Variants in SLC24A2 observed in about 807,000 individuals in gnomAD.
The protein encoded by SLC24A2 is sodium/potassium/calcium exchanger 2.
A neutral mutation model predicts 62.0 loss-of-function variants in SLC24A2; 36 were observed. That is an observed-to-expected ratio of 0.58 (90% CI 0.44 to 0.77). The LOEUF (loss-of-function observed/expected upper bound fraction) is 0.77. Among genes scored for constraint, SLC24A2 ranks in the 30% least tolerant of loss-of-function variants. SLC24A2 has a pLI of 0.00. For missense variants in SLC24A2, 846 were observed against 817.9 expected, an observed-to-expected ratio of 1.03 and a Z score of -0.42; for synonymous variants, 358 against 294.0, an observed-to-expected ratio of 1.22 and a Z score of -2.23.
chr9:20,105,673 A>C, the SLC24A2 span, among the ~76,000 whole-genome samples: 1 of 151,930 alleles, frequency 6.6e-6, no homozygotes, highest in Admixed American at 6.6e-5. Context: ...ACAACATACC[A>C]GAATCTCCGG....
chr9:19,549,147 G>A (rs780462459), intron 8 of SLC24A2, among the ~76,000 whole-genome samples: 20 of 152,304 alleles, frequency 1.3e-4, no homozygotes, highest in Middle Eastern at 3.4e-3. Flanking sequence ...TAATAAAATC[G>A]ATTAAAGTAA....
At chr9:19,750,399 G>C (rs1045660878) in intron 2 of SLC24A2, among the ~76,000 whole-genome samples, 2 of 151,932 alleles carry the variant, frequency 1.3e-5, no homozygotes, top group African/African-American at 4.8e-5. Context: ...CTCAACTACA[G>C]ATAGCATGCG....
the SLC24A2 span, among the ~76,000 whole-genome samples, chr9:20,192,277 A>G: frequency 6.6e-6 from 1 of 152,162 alleles, no homozygotes; most frequent in Non-Finnish European, 1.5e-5. Context: ...TGAGAAGGCC[A>G]AGAAGATGGA....
At chr9:20,011,429 G>A in the SLC24A2 span, among the ~76,000 whole-genome samples, 1 of 152,066 alleles carries the variant, frequency 6.6e-6, no homozygotes, top group Non-Finnish European at 1.5e-5. Flanking sequence ...TGTCTCAAAA[G>A]ACATTTTCAA....
At chr9:20,106,044 C>G in the SLC24A2 span, among the ~76,000 whole-genome samples, 2 of 152,200 alleles carry the variant, frequency 1.3e-5, no homozygotes, top group East Asian at 1.9e-4. Context: ...GAAATACAAA[C>G]TACCATCAGA....
In SLC24A2 at chr9:19,673,445, G is replaced by GTGTGTC. The variant is rs200605803; in HGVS notation, c.931-51147_931-51146insGACACA. ...TTCTTGTGTGTGTATGTGTGTGTGC[G>GTGTGTC]TGTGTGTGTGTGTGTGTGTTTGAGA... is the stretch of plus-strand genomic sequence containing the variant. On this transcript the variant is annotated intron_variant, in intron 2 of 10. Transcript: ENST00000341998. Among the ~76,000 whole-genome samples the GTGTGTC allele has an allele frequency of 6.9e-4, 15 of 21,862 alleles. 1 individual carries two copies. The Admixed American group carries it at 6.9e-3, about 10-fold the overall frequency. 14.3% of individuals were successfully genotyped at this position (21,862 alleles called of 152,430 possible). A position where few individuals can be genotyped will look rare whatever the true frequency, so the allele number is the denominator to read the frequency against.
intron 2 of SLC24A2, among the ~76,000 whole-genome samples, chr9:19,717,931 T>C (rs1007739611): frequency 3.3e-5 from 5 of 151,984 alleles, no homozygotes; most frequent in African/African-American, 9.7e-5. Context: ...TCTAATCAGA[T>C]TGGGATGTCT....
chr9:20,231,998 G>A, the SLC24A2 span, among the ~76,000 whole-genome samples: 36 of 152,170 alleles, frequency 2.4e-4, no homozygotes, highest in African/African-American at 7.7e-4. Flanking sequence ...ATAATCATGT[G>A]GTTTTTGTCT....
At chr9:19,990,922 G>GATATATATATATATAT in the SLC24A2 span, among the ~76,000 whole-genome samples, 411 of 120,768 alleles carry the variant, frequency 3.4e-3, 8 homozygotes, top group African/African-American at 8.1e-3. Flanking sequence ...GGACTAATAG[G>GATATATATATATATAT]ATATATATAT....
chr9:19,666,360 T>A (rs1819253566), intron 2 of SLC24A2, among the ~76,000 whole-genome samples: 1 of 152,176 alleles, frequency 6.6e-6, no homozygotes, highest in African/African-American at 2.4e-5. Context: ...GAGTTGTGAT[T>A]GCACCACTGC....
chr9:19,906,203 T>C, the SLC24A2 span, among the ~76,000 whole-genome samples: 1 of 152,088 alleles, frequency 6.6e-6, no homozygotes, highest in African/African-American at 2.4e-5. Context: ...ACATGGAAAC[T>C]GAACAACCTG....
At chr9:19,855,621 A>G in the SLC24A2 span, among the ~76,000 whole-genome samples, 7 of 152,098 alleles carry the variant, frequency 4.6e-5, no homozygotes, top group Admixed American at 3.3e-4. Context: ...TTGGTCCCCA[A>G]TCTCTTCTGG....
the SLC24A2 span, among the ~76,000 whole-genome samples, chr9:20,270,217 C>A: frequency 6.6e-6 from 1 of 152,162 alleles, no homozygotes; most frequent in African/African-American, 2.4e-5. Flanking sequence ...TTCCACCAGG[C>A]TTCACTTTCC....
At chr9:19,651,390 C>A (rs1818796713) in intron 2 of SLC24A2, among the ~76,000 whole-genome samples, 2 of 152,182 alleles carry the variant, frequency 1.3e-5, no homozygotes, top group African/African-American at 4.8e-5. Context: ...TTAGACAACT[C>A]GCCCTAGGTC....
At chr9:19,867,216 T>A in the SLC24A2 span, among the ~76,000 whole-genome samples, 3 of 152,112 alleles carry the variant, frequency 2.0e-5, no homozygotes, top group African/African-American at 7.2e-5. Flanking sequence ...CCATAAAAAT[T>A]AAAAATTAGG....
intron 9 of SLC24A2, among the ~76,000 whole-genome samples, chr9:19,525,788 T>TA (rs1491439262): frequency 4.5e-4 from 57 of 126,580 alleles, no homozygotes; most frequent in African/African-American, 1.7e-3. Flanking sequence ...TTTTTTTTTT[T>TA]ATAGCCAACC....
the SLC24A2 span, among the ~76,000 whole-genome samples, chr9:19,998,509 G>A: frequency 6.6e-6 from 1 of 152,108 alleles, no homozygotes; most frequent in African/African-American, 2.4e-5. Context: ...GATTAAAACA[G>A]CCCCCAGCAA....
At chr9:19,848,004 C>CT in the SLC24A2 span, among the ~76,000 whole-genome samples, 160 of 152,166 alleles carry the variant, frequency 1.1e-3, no homozygotes, top group Non-Finnish European at 1.9e-3. Context: ...CAACAGGAAG[C>CT]TACTGTTCAA....
chr9:19,666,359 T>C (rs530964737), intron 2 of SLC24A2, among the ~76,000 whole-genome samples: 7 of 152,278 alleles, frequency 4.6e-5, no homozygotes, highest in East Asian at 1.9e-4. Context: ...TGAGTTGTGA[T>C]TGCACCACTG....
Sources: gnomAD v4.1 joint callset for allele counts (sites outside exome capture counted in the v4.1 genomes callset) on GRCh38, gnomAD v4.1.1 for gene constraint, MANE v1.5 for transcripts, NCBI Gene and HGNC (gene_info 2026-07-23, HGNC 2026-07-21) for gene names.